Variants in RASGRF1 observed in about 807,000 individuals in gnomAD.
RASGRF1 encodes Ras protein specific guanine nucleotide releasing factor 1, also known as ras-specific guanine nucleotide-releasing factor 1.
In RASGRF1, 40 loss-of-function variants were observed where a neutral mutation model predicts 138.7. The ratio of observed to expected loss-of-function variants is 0.29; its 90% confidence interval spans 0.22 to 0.38. The LOEUF (loss-of-function observed/expected upper bound fraction) is 0.38. Among genes scored for constraint, RASGRF1 ranks in the 10% least tolerant of loss-of-function variants. RASGRF1 has a pLI of 1.00. For missense variants in RASGRF1, 1,108 were observed against 1,650.4 expected (o/e 0.67, Z 5.69); for synonymous variants, 614 against 663.2 (o/e 0.93, Z 1.14).
At chr15:79,004,307 A>C in intron 14 of RASGRF1, 132 bp from the exon 15 acceptor site, 1 of 1,154,568 alleles carries the variant, frequency 8.7e-7, no homozygotes, top group Non-Finnish European at 1.2e-6. Context: ...TGAAACCCAT[A>C]CTTGAGCTGA....
chr15:79,086,575 A>ACC (rs35311944), intron 1 of RASGRF1, among the ~76,000 whole-genome samples: 25 of 134,682 alleles, frequency 1.9e-4, no homozygotes, highest in East Asian at 6.3e-4. Flanking sequence ...AGGTTCTAAG[A>ACC]CCCCCCCCCC....
chr15:79,071,516 T>A (rs1330986120), intron 1 of RASGRF1, among the ~76,000 whole-genome samples: 1 of 150,696 alleles, frequency 6.6e-6, no homozygotes, highest in Non-Finnish European at 1.5e-5. Context: ...TGCGCCGCCA[T>A]GCCCGGCTAA....
At chr15:78,993,342 ATGTGTGTGTGG>A (rs2068550318) in intron 20 of RASGRF1, among the ~76,000 whole-genome samples, 1 of 67,676 alleles carries the variant, frequency 1.5e-5, no homozygotes, top group Non-Finnish European at 3.2e-5. Flanking sequence ...TGTGTAGTGT[ATGTGTGTGTGG>A]TGTGTGTTTG....
intron 3 of RASGRF1, among the ~76,000 whole-genome samples, chr15:79,055,835 C>T (rs142811354): frequency 1.3e-5 from 2 of 152,132 alleles, no homozygotes; most frequent in African/African-American, 4.8e-5. Flanking sequence ...CAGAAACTGT[C>T]ATCTCTTTAA....
intron 19 of RASGRF1, among the ~76,000 whole-genome samples, chr15:78,997,420 A>T (rs2056418071): frequency 6.6e-6 from 1 of 152,182 alleles, no homozygotes; most frequent in Non-Finnish European, 1.5e-5. Flanking sequence ...TTTAAATTTT[A>T]TTTAATTTTC....
intron 8 of RASGRF1, among the ~76,000 whole-genome samples, chr15:79,028,158 T>C (rs1049179508): frequency 6.6e-6 from 1 of 152,100 alleles, no homozygotes; most frequent in Non-Finnish European, 1.5e-5. Context: ...GATTTTACAG[T>C]CTGAACTATG....
At chr15:79,064,342 G>T (rs1433085746) in intron 2 of RASGRF1, 78 bp downstream of exon 2, 210 of 1,391,568 alleles carry the variant, frequency 1.5e-4, no homozygotes, top group Non-Finnish European at 1.4e-5. Flanking sequence ...GCTTGGCTTT[G>T]TTCAAAGGCC....
At chr15:78,991,057 T>C (rs532232142) in intron 21 of RASGRF1, among the ~76,000 whole-genome samples, 2 of 152,360 alleles carry the variant, frequency 1.3e-5, no homozygotes, top group East Asian at 3.9e-4. Flanking sequence ...AATTCAGACA[T>C]ATTTGTTGCA....
intron 1 of RASGRF1, among the ~76,000 whole-genome samples, chr15:79,086,119 G>A (rs1323847428): frequency 6.6e-6 from 1 of 152,152 alleles, no homozygotes; most frequent in African/African-American, 2.4e-5. Flanking sequence ...GGTCTGGAAC[G>A]GGTTGGGTAG....
chr15:79,048,718 T>C (rs768165910), intron 4 of RASGRF1, among the ~76,000 whole-genome samples: 7 of 152,134 alleles, frequency 4.6e-5, no homozygotes, highest in Non-Finnish European at 8.8e-5. Context: ...GGGATGAAAA[T>C]CTCAAAATCT....
intron 5 of RASGRF1, among the ~76,000 whole-genome samples, chr15:79,045,668 C>T (rs962825740): frequency 2.0e-5 from 3 of 152,180 alleles, no homozygotes; most frequent in African/African-American, 7.2e-5. Context: ...GTTTCTTCAG[C>T]CCAATCTCTC....
chr15:79,066,820 G>A (rs1595959174), intron 1 of RASGRF1, among the ~76,000 whole-genome samples: 1 of 152,264 alleles, frequency 6.6e-6, no homozygotes, highest in South Asian at 2.1e-4. Context: ...AGGTTATGAT[G>A]CCCAACTCTC....
chr15:78,965,740 A>C (rs897985993), intron 26 of RASGRF1, among the ~76,000 whole-genome samples: 2 of 152,168 alleles, frequency 1.3e-5, no homozygotes, highest in African/African-American at 4.8e-5. Flanking sequence ...AATCACAGCT[A>C]CTTGGGAGGC....
chr15:79,038,778 G>C (rs576545196), intron 5 of RASGRF1, among the ~76,000 whole-genome samples: 14 of 152,034 alleles, frequency 9.2e-5, no homozygotes, highest in Admixed American at 2.0e-4. Flanking sequence ...CTTTCTGCTT[G>C]GCTTGGGGAA....
chr15:78,971,992 C>G, intron 25 of RASGRF1, 58 bp from the exon 26 acceptor site: 1 of 1,424,048 alleles, frequency 7.0e-7, no homozygotes, highest in Non-Finnish European at 9.9e-7. Context: ...CCACCCCCAA[C>G]TTTGCAGAGC....
Position 79,090,318 on chromosome 15 carries a change from G to T in RASGRF1, c.181C>A (p.Arg61=), listed in dbSNP as rs1179677867. ...TCCAGCAGGTAAAGCCCCGAGGGCCGCGAGCTCGAGTCGCTCTCGAAGTAG... is the reference window on the plus strand; with the variant it reads ...TCCAGCAGGTAAAGCCCCGAGGGCCTCGAGCTCGAGTCGCTCTCGAAGTAG... ...LFYFESDSSS[R]PSGLYLLEGC... is the part of the protein sequence containing the mutation. Residue 61 remains arginine (R), a synonymous_variant, in exon 1 of 27, where the codon CGG becomes AGG. Coordinates refer to ENST00000558480, the MANE Select transcript of RASGRF1 (RefSeq NM_001145648.3). 3.7e-6 allele frequency: 6 copies of T among 1,613,726 alleles called. No individual in the cohort carries two copies. The highest frequency in any genetic ancestry group is 1.7e-5 in the Admixed American group (1 of 60,018).
intron 23 of RASGRF1, chr15:78,980,964 G>T: frequency 9.1e-6 from 3 of 330,046 alleles, no homozygotes; most frequent in African/African-American, 6.2e-5. Flanking sequence ...TTTGGCCCTT[G>T]GAAATGCTGC....
chr15:78,976,559 A>AACACACACACACACACACAC (rs58602180), intron 24 of RASGRF1, among the ~76,000 whole-genome samples: 4 of 148,660 alleles, frequency 2.7e-5, no homozygotes, highest in Non-Finnish European at 4.5e-5. Flanking sequence ...CACTCAATCA[A>AACACACACACACACACACAC]ACACACACAC....
intron 5 of RASGRF1, among the ~76,000 whole-genome samples, chr15:79,037,661 G>A (rs752565637): frequency 3.3e-5 from 5 of 151,960 alleles, no homozygotes; most frequent in Non-Finnish European, 5.9e-5. Context: ...GTTTCACCAT[G>A]TTGGCCAGGC....
Sources: allele counts gnomAD v4.1 joint callset (sites outside exome capture counted in the v4.1 genomes callset), GRCh38; gene constraint gnomAD v4.1.1; transcripts MANE v1.5; gene names NCBI Gene and HGNC (gene_info 2026-07-23, HGNC 2026-07-21).